Variants in FAM149A observed in about 807,000 individuals in gnomAD.
FAM149A encodes family with sequence similarity 149 member A.
In FAM149A, 71 loss-of-function variants were observed where a neutral mutation model predicts 78.2. The observed-to-expected ratio is 0.91, with a 90% CI of 0.75 to 1.11. The LOEUF is 1.11. Among genes scored for constraint, FAM149A ranks in the 50% least tolerant of loss-of-function variants. The pLI is 0.00. For missense variants in FAM149A, 1,036 were observed against 971.0 expected, an observed-to-expected ratio of 1.07 and a Z score of -0.89; for synonymous variants, 446 against 410.5, an observed-to-expected ratio of 1.09 and a Z score of -1.04.
Position 186,105,459 on chromosome 4 carries a change from G to C in FAM149A, c.383G>C (p.Arg128Pro), listed in dbSNP as rs2099308367. 1.6e-6 allele frequency: 2 copies of C among 1,214,468 alleles called. No individual in the cohort carries two copies. The highest frequency in any genetic ancestry group is 1.7e-5 in the African/African-American group (1 of 60,434). 75.2% of individuals were successfully genotyped at this position (1,214,468 alleles called of 1,614,324 possible). A position where few individuals can be genotyped will look rare whatever the true frequency, so the allele number is the denominator to read the frequency against. The change falls in exon 1 of 14, where the codon CGG (arginine) becomes CCG (proline). Residue 128 changes from arginine to proline, a missense_variant. Transcript: ENST00000389354. ...CCTGCTCGCCTGGTGGTCCCAGCGC[G>C]GCCGCCCTCGGGCCCCGGCGGGGTC...
intron 8 of FAM149A, chr4:186,158,260 G>T (rs1013894230): frequency 1.1e-5 from 14 of 1,237,584 alleles, no homozygotes. Flanking sequence ...CATGTCTGCT[G>T]GTCCCAGGCG....
chr4:186,136,737 T>A (rs2099322860), intron 1 of FAM149A, among the ~76,000 whole-genome samples: 2 of 152,146 alleles, frequency 1.3e-5, no homozygotes, highest in African/African-American at 4.8e-5. Flanking sequence ...AGCGTCTCTG[T>A]ATGATTTGTA....
intron 11 of FAM149A, among the ~76,000 whole-genome samples, chr4:186,166,395 A>G (rs1735027173): frequency 6.6e-6 from 1 of 152,196 alleles, no homozygotes; most frequent in South Asian, 2.1e-4. Context: ...TCACGCCTGT[A>G]ATCCCAGCAC....
intron 1 of FAM149A, among the ~76,000 whole-genome samples, chr4:186,120,503 C>T (rs1261222177): frequency 6.6e-6 from 1 of 152,074 alleles, no homozygotes; most frequent in Non-Finnish European, 1.5e-5. Context: ...TTAAAAATCA[C>T]GTTAGTAAGA....
chr4:186,160,145 T>C (rs1330121577), intron 8 of FAM149A, among the ~76,000 whole-genome samples: 8 of 88,096 alleles, frequency 9.1e-5, no homozygotes, highest in East Asian at 4.4e-4. Context: ...ACATACCACA[T>C]ACACACACTA....
chr4:186,146,465 G>A, intron 1 of FAM149A: 8 of 985,370 alleles, frequency 8.1e-6, no homozygotes, highest in Non-Finnish European at 9.6e-6. Context: ...GGTGTGATGT[G>A]AAGAGAGATG....
rs1314081453 is a variant in FAM149A at position 186,164,437 on chromosome 4, C to T, written c.1889+804C>T. ...CCTGCAGGGGAGCTGTTATCAGGAG[C>T]CGAGCTCAGGAGCGGGCGGCTGCCA... On this transcript the variant is annotated intron_variant, in intron 10 of 13. Coordinates refer to ENST00000389354, the MANE Select transcript of FAM149A (RefSeq NM_001367768.3). The surrounding 1 kb of genome is among the most constrained non-coding windows in gnomAD (Gnocchi z 4.0). The T allele has an allele frequency of 2.0e-6, 2 of 985,142 alleles. No individual in the cohort carries two copies. Among genetic ancestry groups the T allele is most frequent in the East Asian group, 1.1e-4 (1 of 8,822 alleles). 61.0% of individuals were successfully genotyped at this position (985,142 alleles called of 1,614,324 possible). A position where few individuals can be genotyped will look rare whatever the true frequency, so the allele number is the denominator to read the frequency against.
intron 1 of FAM149A, among the ~76,000 whole-genome samples, chr4:186,108,389 T>A (rs1488734611): frequency 1.3e-5 from 2 of 151,190 alleles, no homozygotes; most frequent in Non-Finnish European, 2.9e-5. Context: ...ACATTTTACA[T>A]TTGCCTGATT....
At chr4:186,160,662 C>T (rs981435221) in intron 8 of FAM149A, 4 of 316,076 alleles carry the variant, frequency 1.3e-5, no homozygotes, top group Middle Eastern at 1.6e-3. Flanking sequence ...CACCTACACA[C>T]CCCACACATA....
At chr4:186,122,516 T>C (rs1391220056) in intron 1 of FAM149A, among the ~76,000 whole-genome samples, 2 of 152,134 alleles carry the variant, frequency 1.3e-5, no homozygotes, top group African/African-American at 4.8e-5. Flanking sequence ...ATCAGTAGAG[T>C]GTCATGATAT....
At chr4:186,158,342 T>C (rs1734238027) in intron 8 of FAM149A, 1 of 1,205,708 alleles carries the variant, frequency 8.3e-7, no homozygotes, top group Non-Finnish European at 1.1e-6. Context: ...GATTCTCCTC[T>C]GTGCTGTGTG....
chr4:186,121,139 G>T (rs189928439), intron 1 of FAM149A, among the ~76,000 whole-genome samples: 1 of 151,894 alleles, frequency 6.6e-6, no homozygotes. Context: ...ATTATTTTAT[G>T]TATGATGATA....
rs553386126 is a variant in FAM149A, at chr4:186,153,223, A to G, written c.933-422A>G. 2.2e-5 allele frequency: 21 copies of G among 974,802 alleles called. No homozygotes were observed. In the South Asian group the frequency reaches 9.5e-4, roughly 44 times the overall value. 60.4% of individuals were successfully genotyped at this position (974,802 alleles called of 1,614,324 possible). On this transcript the variant is annotated intron_variant, in intron 4 of 13. Transcript: ENST00000389354. ...AAGGTGGGAAAAGATTGTCAGGTAC[A>G]TAAGCCAAGTGTGCATATTTATATA...
chr4:186,131,076 A>G (rs2099320571), intron 1 of FAM149A, among the ~76,000 whole-genome samples: 1 of 152,100 alleles, frequency 6.6e-6, no homozygotes, highest in Non-Finnish European at 1.5e-5. Flanking sequence ...GGGCAGGCGC[A>G]GTGGCTCACG....
In FAM149A at chr4:186,157,675, G is replaced by C; in HGVS notation, c.1531G>C (p.Glu511Gln). 6.2e-7 allele frequency: 1 copy of C among 1,613,796 alleles called. No homozygotes were observed. Among genetic ancestry groups the C allele is most frequent in the Non-Finnish European group, 8.5e-7 (1 of 1,179,836 alleles). Residue 511 changes from glutamate to glutamine, a missense_variant, in exon 8 of 14, where the codon GAG becomes CAG. Glu to Gln is a conservative substitution (Grantham distance 29). Coordinates refer to ENST00000389354, the MANE Select transcript of FAM149A (RefSeq NM_001367768.3). ...CAGTGGCCCCCCGTCCGGACACGCCGAGGCTCACGGCATCTCCCTGGCTTC... is the reference window on the plus strand; with the variant it reads ...CAGTGGCCCCCCGTCCGGACACGCCCAGGCTCACGGCATCTCCCTGGCTTC...
Position 186,164,384 on chromosome 4 carries a change from C to T in FAM149A, c.1889+751C>T, listed in dbSNP as rs547801502. ...GGACACACCCACAAGTGCTCTCAGG[C>T]TTTAGAGACCACCCACTGGACCCCC... is the stretch of plus-strand genomic sequence containing the variant. On this transcript the variant is annotated intron_variant, in intron 10 of 13. Coordinates refer to ENST00000389354, the MANE Select transcript of FAM149A (RefSeq NM_001367768.3). The surrounding 1 kb of genome is among the most constrained non-coding windows in gnomAD (Gnocchi z 4.0). 1.2e-6 allele frequency: 1 copy of T among 810,972 alleles called. No individual in the cohort carries two copies. The highest frequency in any genetic ancestry group is 1.5e-6 in the Non-Finnish European group (1 of 670,762). The allele number at this position is 810,972 out of a possible 1,614,324, so 50.2% of individuals were successfully genotyped here. A position where few individuals can be genotyped will look rare whatever the true frequency, so the allele number is the denominator to read the frequency against.
Position 186,136,990 on chromosome 4 carries a change from C to CTCTCTCTCTCTT in FAM149A, c.567-12172_567-12171insTTCTCTCTCTCT, listed in dbSNP as rs2099323453. On this transcript the variant is annotated intron_variant, in intron 1 of 13. Transcript: ENST00000389354. The stretch of plus-strand genomic sequence containing the variant: ...TCTCTCTCTCTTTCTCTCTCTCTCT[C>CTCTCTCTCTCTT]TCTCTCTCTCTCTCTCTCTCTCTCT... Among the ~76,000 whole-genome samples the CTCTCTCTCTCTT allele has an allele frequency of 6.2e-4, 58 of 92,854 alleles. 1 individual carries two copies. The highest frequency in any genetic ancestry group is 7.0e-3 in the Middle Eastern group (1 of 142). The allele number at this position is 92,854 out of a possible 152,430, so 60.9% of individuals were successfully genotyped here. A position where few individuals can be genotyped will look rare whatever the true frequency, so the allele number is the denominator to read the frequency against.
chr4:186,170,542 C>G (rs1448596549), intron 13 of FAM149A, among the ~76,000 whole-genome samples: 1 of 152,216 alleles, frequency 6.6e-6, no homozygotes, highest in Non-Finnish European at 1.5e-5. Flanking sequence ...CGCCTAGAAC[C>G]AGCCAGGCTT....
At position 186,157,683 on chromosome 4, in the gene FAM149A, C is replaced by T. The variant is rs1734160299; in HGVS notation, c.1539C>T (p.His513=). The T allele has an allele frequency of 3.1e-6, 5 of 1,613,434 alleles. No individual in the cohort carries two copies. The highest frequency in any genetic ancestry group is 1.7e-4 in the Middle Eastern group (1 of 6,060). The change falls in exon 8 of 14, where the codon CAC becomes CAT. Residue 513 remains histidine, a synonymous_variant. Transcript: ENST00000389354. The stretch of plus-strand genomic sequence containing the variant: ...CCCCGTCCGGACACGCCGAGGCTCA[C>T]GGCATCTCCCTGGCTTCTCGTCTGA...
Sources: allele counts gnomAD v4.1 joint callset (sites outside exome capture counted in the v4.1 genomes callset), GRCh38; gene constraint gnomAD v4.1.1; non-coding constraint Gnocchi (gnomAD v3.1); transcripts MANE v1.5; gene names NCBI Gene and HGNC (gene_info 2026-07-23, HGNC 2026-07-21).